Variants in ZFAND3 observed in about 807,000 individuals in gnomAD.
ZFAND3 encodes the protein zinc finger AN1-type containing 3.
In ZFAND3, 10 loss-of-function variants were observed where a neutral mutation model predicts 29.6. The observed-to-expected ratio is 0.34, with a 90% CI of 0.21 to 0.57. The LOEUF is 0.57. ZFAND3 is among the 20% of genes least tolerant of loss of function. The pLI is 0.86. For missense variants in ZFAND3, 230 were observed against 304.5 expected (o/e 0.76, Z 1.82); for synonymous variants, 128 against 112.6 (o/e 1.14, Z -0.87).
At chr6:38,061,474 C>T in intron 2 of ZFAND3, 119 bp from the exon 3 acceptor site, 1 of 1,236,356 alleles carries the variant, frequency 8.1e-7, no homozygotes, top group Non-Finnish European at 1.1e-6. Flanking sequence ...TTTTTAGTCA[C>T]CCAGATCAGT....
intron 2 of ZFAND3, among the ~76,000 whole-genome samples, chr6:38,047,192 G>C (rs1763920305): frequency 6.6e-6 from 1 of 151,800 alleles, no homozygotes; most frequent in African/African-American, 2.4e-5. Context: ...GCACACACTT[G>C]TAATCCCAGC....
At chr6:38,103,484 CATATATACACGTGTAT>C (rs1363785323) in intron 4 of ZFAND3, among the ~76,000 whole-genome samples, 6 of 5,448 alleles carry the variant, frequency 1.1e-3, no homozygotes, top group East Asian at 5.2e-3. Context: ...TATATACACA[CATATATACACGTGTAT>C]ATATATACAC....
intron 1 of ZFAND3, among the ~76,000 whole-genome samples, chr6:37,911,446 A>G (rs1378336056): frequency 6.6e-6 from 1 of 152,206 alleles, no homozygotes; most frequent in Non-Finnish European, 1.5e-5. Context: ...TTAAAGAAGT[A>G]TGGTCATCAG....
At chr6:37,945,250 C>G (rs1761880876) in intron 2 of ZFAND3, among the ~76,000 whole-genome samples, 1 of 152,148 alleles carries the variant, frequency 6.6e-6, no homozygotes, top group African/African-American at 2.4e-5. Flanking sequence ...TCATGTGAAA[C>G]TGCTGCCTGG....
intron 1 of ZFAND3, among the ~76,000 whole-genome samples, chr6:37,861,814 A>T (rs1472166191): frequency 1.3e-5 from 2 of 152,210 alleles, no homozygotes; most frequent in Non-Finnish European, 2.9e-5. Context: ...TAAGCATTAC[A>T]TATGGATAAC....
In ZFAND3 at chr6:37,881,101, T is replaced by TTGC. The variant is rs112612611; in HGVS notation, c.72-48856_72-48854dup. Among the ~76,000 whole-genome samples, 73 of 152,300 alleles carry TTGC rather than the reference T, an allele frequency of 4.8e-4. 1 individual carries two copies. Among genetic ancestry groups the TTGC allele is most frequent in the African/African-American group, 9.9e-4 (41 of 41,566 alleles). On this transcript the variant is annotated intron_variant, in intron 1 of 5. Transcript: ENST00000287218. ...TTTTTTGTTTTTTTGAGATGGAGTCTTGCTCTATTGCCCAGGCTGGAGTGC... is the reference window on the plus strand; with the variant it reads ...TTTTTTGTTTTTTTGAGATGGAGTCTTGCTGCTCTATTGCCCAGGCTGGAGTGC...
chr6:37,927,980 T>G (rs1761519964), intron 1 of ZFAND3, among the ~76,000 whole-genome samples: 1 of 152,244 alleles, frequency 6.6e-6, no homozygotes, highest in African/African-American at 2.4e-5. Flanking sequence ...TATCTGGTAT[T>G]GTGCCTGCCA....
intron 4 of ZFAND3, among the ~76,000 whole-genome samples, chr6:38,096,929 C>T (rs999210131): frequency 1.3e-5 from 2 of 152,036 alleles, no homozygotes; most frequent in Admixed American, 6.6e-5. Context: ...TCATTGTGCT[C>T]TTCTGTTTTC....
At chr6:38,128,874 C>T (rs567124553) in intron 5 of ZFAND3, among the ~76,000 whole-genome samples, 7 of 152,190 alleles carry the variant, frequency 4.6e-5, no homozygotes, top group African/African-American at 9.6e-5. Context: ...GTGGGATTGC[C>T]GGATCAATGG....
intron 2 of ZFAND3, among the ~76,000 whole-genome samples, chr6:38,019,299 G>T (rs1763305882): frequency 6.6e-6 from 1 of 152,130 alleles, no homozygotes; most frequent in African/African-American, 2.4e-5. Flanking sequence ...GCTTTAGTTT[G>T]TATATGTTGA....
chr6:37,929,714 C>T (rs1355175369), intron 1 of ZFAND3, among the ~76,000 whole-genome samples: 1 of 150,628 alleles, frequency 6.6e-6, no homozygotes, highest in Non-Finnish European at 1.5e-5. Flanking sequence ...CAAACATTGG[C>T]TAATTTACAG....
chr6:37,906,489 C>T (rs932448686), intron 1 of ZFAND3, among the ~76,000 whole-genome samples: 4 of 152,110 alleles, frequency 2.6e-5, no homozygotes, highest in Non-Finnish European at 5.9e-5. Context: ...GGAGCTGCCA[C>T]GAACATGCAT....
At chr6:38,122,860 G>T (rs1225220414) in intron 5 of ZFAND3, among the ~76,000 whole-genome samples, 5 of 152,170 alleles carry the variant, frequency 3.3e-5, no homozygotes, top group African/African-American at 4.8e-5. Flanking sequence ...CACAATTGGG[G>T]CTTTAAAGGA....
At chr6:37,940,660 G>A (rs1344093420) in intron 2 of ZFAND3, among the ~76,000 whole-genome samples, 1 of 152,156 alleles carries the variant, frequency 6.6e-6, no homozygotes, top group Non-Finnish European at 1.5e-5. Context: ...TCCCAGTGAT[G>A]GCAGAAGGCC....
intron 2 of ZFAND3, among the ~76,000 whole-genome samples, chr6:38,009,084 A>T (rs1165938692): frequency 6.6e-6 from 1 of 152,210 alleles, no homozygotes. Flanking sequence ...GTCACTCAGG[A>T]GGAAAACCGA....
chr6:37,929,501 TA>T (rs1343109257), intron 1 of ZFAND3, among the ~76,000 whole-genome samples: 1 of 152,238 alleles, frequency 6.6e-6, no homozygotes, highest in East Asian at 1.9e-4. Flanking sequence ...GCTAATGTTA[TA>T]GAGATAAATG....
intron 3 of ZFAND3, among the ~76,000 whole-genome samples, chr6:38,080,323 A>G (rs1043128572): frequency 1.3e-5 from 2 of 151,428 alleles, no homozygotes; most frequent in African/African-American, 4.8e-5. Context: ...TATATATTAA[A>G]ATATATAATC....
intron 5 of ZFAND3, among the ~76,000 whole-genome samples, chr6:38,118,958 T>C (rs528406310): frequency 1.3e-5 from 2 of 152,286 alleles, no homozygotes; most frequent in South Asian, 4.1e-4. Flanking sequence ...TGTAGTCTCT[T>C]GGCTTGTGCC....
intron 2 of ZFAND3, among the ~76,000 whole-genome samples, chr6:38,017,455 G>A (rs939312697): frequency 6.6e-6 from 1 of 152,192 alleles, no homozygotes; most frequent in Non-Finnish European, 1.5e-5. Flanking sequence ...AGGTATCTCA[G>A]TGTTTTTAAA....
Sources: allele counts gnomAD v4.1 joint callset (sites outside exome capture counted in the v4.1 genomes callset), GRCh38; gene constraint gnomAD v4.1.1; transcripts MANE v1.5; gene names NCBI Gene and HGNC (gene_info 2026-07-23, HGNC 2026-07-21).